The following GMPR variants were observed in gnomAD, a reference collection of about 807,000 sequenced individuals.
GMPR encodes the protein guanosine monophosphate reductase, also known as GMP reductase 1.
Under a neutral mutation model 38.4 loss-of-function variants are expected in GMPR, and 31 were observed. The observed-to-expected ratio is 0.81, with a 90% CI of 0.61 to 1.09. The LOEUF (loss-of-function observed/expected upper bound fraction) is 1.09, where lower values mean the gene tolerates loss of function less well. GMPR is among the 50% of genes least tolerant of loss of function. GMPR has a pLI of 0.00. For missense variants in GMPR, 468 were observed against 453.7 expected (o/e 1.03, Z -0.29); for synonymous variants, 162 against 173.3 (o/e 0.93, Z 0.51).
chr6:16,274,186 C>G (rs938584151), intron 4 of GMPR, among the ~76,000 whole-genome samples: 5 of 152,154 alleles, frequency 3.3e-5, no homozygotes, highest in Non-Finnish European at 7.3e-5. Context: ...TCTCTAAGAT[C>G]TCTTCTAGTT....
rs1373636932 is a variant in GMPR, at chr6:16,258,028, A to T, written c.465+3293A>T. 3.3e-5 allele frequency: 5 copies of T among 152,108 alleles called. No homozygotes were observed. The South Asian group carries it at 6.2e-4, about 19-fold the overall frequency. 9.4% of individuals were successfully genotyped at this position (152,108 alleles called of 1,614,324 possible). A position where few individuals can be genotyped will look rare whatever the true frequency, so the allele number is the denominator to read the frequency against. On this transcript the variant is annotated intron_variant, in intron 4 of 8. Coordinates refer to ENST00000259727, the MANE Select transcript of GMPR (RefSeq NM_006877.4). ...CTCACTTTCCTCACCTGTGAAAAGGAGGTTGAGGATCCTCGTGGCTGGAGA... is the reference window on the plus strand; with the variant it reads ...CTCACTTTCCTCACCTGTGAAAAGGTGGTTGAGGATCCTCGTGGCTGGAGA...
intron 1 of GMPR, among the ~76,000 whole-genome samples, chr6:16,246,562 C>G (rs745611582): frequency 1.3e-5 from 2 of 151,856 alleles, no homozygotes; most frequent in Non-Finnish European, 2.9e-5. Context: ...GCGGGTGGGG[C>G]GAAGATAACA....
chr6:16,288,770 A>G (rs1296771656), intron 7 of GMPR, among the ~76,000 whole-genome samples: 2 of 152,206 alleles, frequency 1.3e-5, no homozygotes, highest in Non-Finnish European at 2.9e-5. Flanking sequence ...GGGATTGTAA[A>G]TACACCAATG....
At chr6:16,241,539 T>C (rs1193206473) in intron 1 of GMPR, among the ~76,000 whole-genome samples, 1 of 152,208 alleles carries the variant, frequency 6.6e-6, no homozygotes, top group Admixed American at 6.5e-5. Flanking sequence ...GCCCCTGGCA[T>C]GGAAGAATAA....
chr6:16,239,476 G>C (rs1758603375), intron 1 of GMPR, among the ~76,000 whole-genome samples: 1 of 152,226 alleles, frequency 6.6e-6, no homozygotes, highest in Non-Finnish European at 1.5e-5. Context: ...GGTGGAGACC[G>C]GACTGGAAAT....
At chr6:16,266,911 A>T (rs1174486860) in intron 4 of GMPR, among the ~76,000 whole-genome samples, 1 of 152,018 alleles carries the variant, frequency 6.6e-6, no homozygotes, top group Non-Finnish European at 1.5e-5. Context: ...TGCCACCTTT[A>T]AGAGCTGTAA....
At chr6:16,282,942 G>A (rs7771282) in intron 6 of GMPR, among the ~76,000 whole-genome samples, 7,145 of 151,934 alleles carry the variant, frequency 0.047, 536 homozygotes, top group African/African-American at 0.16. Flanking sequence ...CCGAGTAGCT[G>A]GGATTATAGG....
At chr6:16,250,621 G>T (rs1758853638) in intron 3 of GMPR, among the ~76,000 whole-genome samples, 1 of 152,182 alleles carries the variant, frequency 6.6e-6, no homozygotes, top group Admixed American at 6.5e-5. Flanking sequence ...GCTTGGGGAA[G>T]ACCTGTGTTT....
rs77937694 is a variant in GMPR at position 16,294,715 on chromosome 6, T to G, written c.858-291T>G. ...GGAGAGAATGGCACCAAGCAGGGTGTTATGGGTCCCTGACTCCTTCAAGCG... is the reference window on the plus strand; with the variant it reads ...GGAGAGAATGGCACCAAGCAGGGTGGTATGGGTCCCTGACTCCTTCAAGCG... On this transcript the variant is annotated intron_variant, in intron 8 of 8. Transcript: ENST00000259727. 2.8e-3 allele frequency among the ~76,000 whole-genome samples: 430 copies of G among 152,194 alleles called. 2 individuals carry two copies. Among genetic ancestry groups the G allele is most frequent in the African/African-American group, 1.0e-2 (415 of 41,524 alleles).
chr6:16,272,048 T>C (rs993416386), intron 4 of GMPR, among the ~76,000 whole-genome samples: 5 of 151,988 alleles, frequency 3.3e-5, no homozygotes, highest in African/African-American at 1.2e-4. Flanking sequence ...CCATCTCTAC[T>C]AAAAATACAA....
intron 4 of GMPR, among the ~76,000 whole-genome samples, chr6:16,256,700 AT>A (rs1330085472): frequency 2.0e-5 from 3 of 152,186 alleles, no homozygotes; most frequent in Admixed American, 6.5e-5. Flanking sequence ...AGAAATGTAT[AT>A]GTGTTTATTG....
At chr6:16,267,600 G>A (rs754413691) in intron 4 of GMPR, among the ~76,000 whole-genome samples, 1 of 151,936 alleles carries the variant, frequency 6.6e-6, no homozygotes, top group Non-Finnish European at 1.5e-5. Context: ...AACAAACTCC[G>A]GACACGCCAT....
chr6:16,246,753 C>T (rs772259846), intron 1 of GMPR, 89 bp from the exon 2 acceptor site: 33 of 1,276,840 alleles, frequency 2.6e-5, no homozygotes, highest in Non-Finnish European at 3.0e-5. Context: ...TGTTCCTACT[C>T]GCTCCAAACT....
intron 8 of GMPR, among the ~76,000 whole-genome samples, chr6:16,292,130 G>A (rs1012002710): frequency 2.0e-5 from 3 of 152,072 alleles, no homozygotes; most frequent in Admixed American, 6.5e-5. Context: ...GACTCTATCC[G>A]GTGCTGGAGT....
intron 4 of GMPR, among the ~76,000 whole-genome samples, chr6:16,266,803 C>A (rs1360817510): frequency 2.0e-5 from 3 of 150,036 alleles, no homozygotes; most frequent in Non-Finnish European, 3.0e-5. Flanking sequence ...AACAAACAAA[C>A]AAAAAAAGAG....
intron 2 of GMPR, among the ~76,000 whole-genome samples, 169 bp from the exon 3 acceptor site, chr6:16,250,114 TG>T (rs1371688199): frequency 6.6e-6 from 1 of 152,240 alleles, no homozygotes; most frequent in Non-Finnish European, 1.5e-5. Context: ...ATGATTTCAA[TG>T]GTTGTACCTT....
Position 16,249,352 on chromosome 6 carries a change from T to G in GMPR, c.208-932T>G, listed in dbSNP as rs137944302. Among the ~76,000 whole-genome samples, 98 of 152,168 alleles carry G rather than the reference T, an allele frequency of 6.4e-4. 1 individual carries two copies. The East Asian group carries it at 0.017, about 26-fold the overall frequency. On this transcript the variant is annotated intron_variant, in intron 2 of 8. Coordinates refer to ENST00000259727, the MANE Select transcript of GMPR (RefSeq NM_006877.4). The stretch of plus-strand genomic sequence containing the variant: ...TGCCCGGCTAATTTTTTGTATTTAG[T>G]AGAGATGGGGTTTCACTATGTTAGT...
At chr6:16,249,550 T>A (rs1256564587) in intron 2 of GMPR, among the ~76,000 whole-genome samples, 1 of 152,186 alleles carries the variant, frequency 6.6e-6, no homozygotes, top group Non-Finnish European at 1.5e-5. Flanking sequence ...CTCAAACTCC[T>A]GGGCTTAAGT....
rs1377332110 is a variant in GMPR at position 16,278,811 on chromosome 6, C to T, written c.575C>T (p.Thr192Met). 26 of 1,613,840 alleles carry T rather than the reference C, an allele frequency of 1.6e-5. No homozygotes were observed. The highest frequency in any genetic ancestry group is 6.7e-5 in the African/African-American group (5 of 74,948). Reference protein sequence around the residue: ...PGSVCTTRTKTGVGYPQLSAV... With the variant: ...PGSVCTTRTKMGVGYPQLSAV... ...TCTGTGTGCACCACCCGCACCAAGA[C>T]GGGAGTGGGGTACCCCCAGCTGAGT... The change falls in exon 6 of 9, where the codon ACG (threonine) becomes ATG (methionine). Residue 192 changes from threonine to methionine, a missense_variant. Transcript: ENST00000259727.
Sources: gnomAD v4.1 joint callset for allele counts (sites outside exome capture counted in the v4.1 genomes callset) on GRCh38, gnomAD v4.1.1 for gene constraint, MANE v1.5 for transcripts, NCBI Gene and HGNC (gene_info 2026-07-23, HGNC 2026-07-21) for gene names.